TENM4: variants seen among roughly 807,000 people sequenced by gnomAD.
TENM4 encodes teneurin-4.
TENM4 carries 82 observed loss-of-function variants against 243.3 expected under a neutral mutation model. The observed-to-expected ratio is 0.34, with a 90% CI of 0.28 to 0.40. The LOEUF is 0.40. TENM4 is among the 10% of genes least tolerant of loss of function. The pLI is 1.00. For missense variants in TENM4, 3,138 were observed against 3,673.3 expected, an observed-to-expected ratio of 0.85 and a Z score of 3.77; for synonymous variants, 1,412 against 1,456.3, an observed-to-expected ratio of 0.97 and a Z score of 0.69.
chr11:78,903,214 C>T (rs746258743), intron 7 of TENM4, 54 bp downstream of exon 7: 451 of 1,463,500 alleles, frequency 3.1e-4, no homozygotes, highest in Non-Finnish European at 3.5e-4. Flanking sequence ...AGACCTTGGT[C>T]CGGGCCCCGG....
intron 2 of TENM4, among the ~76,000 whole-genome samples, chr11:79,254,367 C>T (rs564892120): frequency 1.6e-4 from 24 of 152,314 alleles, no homozygotes; most frequent in Non-Finnish European, 2.4e-4. Flanking sequence ...TGAAACACCT[C>T]CTAGGTACGT....
rs558820587 is a variant in TENM4, at chr11:78,899,719, A to T, written c.749+3549T>A. On this transcript the variant is annotated intron_variant, in intron 7 of 33. Transcript: ENST00000278550. ...GTTCTCACTTTTATTAGTTCCTTCC[A>T]GAGCTGGTTGTTAAAAAGAGCCTGG... Among the ~76,000 whole-genome samples, 3 of 152,176 alleles carry T rather than the reference A, an allele frequency of 2.0e-5. No homozygotes were observed. The South Asian group carries it at 6.2e-4, about 32-fold the overall frequency.
chr11:78,952,783 T>C (rs559200208), intron 6 of TENM4, among the ~76,000 whole-genome samples: 2 of 152,276 alleles, frequency 1.3e-5, no homozygotes, highest in South Asian at 4.1e-4. Context: ...TTCTCCTTTA[T>C]CCTAGCAAAC....
chr11:79,030,099 G>GCAAT (rs1441795863), intron 6 of TENM4, among the ~76,000 whole-genome samples: 2 of 152,144 alleles, frequency 1.3e-5, no homozygotes, highest in Non-Finnish European at 2.9e-5. Flanking sequence ...TTTTCATTCG[G>GCAAT]CAATCAGGCA....
chr11:79,398,613 C>A (rs1858394451), intron 1 of TENM4, among the ~76,000 whole-genome samples: 1 of 151,844 alleles, frequency 6.6e-6, no homozygotes, highest in African/African-American at 2.4e-5. Context: ...CTGGGTTAGG[C>A]TACTAAATAG....
At chr11:79,348,070 C>T (rs1010846825) in intron 1 of TENM4, among the ~76,000 whole-genome samples, 2 of 152,198 alleles carry the variant, frequency 1.3e-5, no homozygotes, top group African/African-American at 2.4e-5. Flanking sequence ...TGAGCCACCG[C>T]GCCCGGCCCC....
intron 5 of TENM4, 131 bp from the exon 6 acceptor site, chr11:79,065,138 A>G (rs1336896735): frequency 1.5e-5 from 21 of 1,361,792 alleles, no homozygotes; most frequent in East Asian, 2.7e-5. Context: ...TTCTATGCCC[A>G]TGCCTTTGTT....
At chr11:79,246,610 AT>A (rs1434774625) in intron 2 of TENM4, among the ~76,000 whole-genome samples, 1 of 152,208 alleles carries the variant, frequency 6.6e-6, no homozygotes, top group Non-Finnish European at 1.5e-5. Context: ...ACTATCCACA[AT>A]TTGGATGACT....
intron 11 of TENM4, among the ~76,000 whole-genome samples, chr11:78,854,693 C>T (rs760096199): frequency 1.3e-4 from 19 of 151,926 alleles, no homozygotes; most frequent in Middle Eastern, 3.4e-3. Context: ...GAACTTCATG[C>T]AAGTCCTGAC....
chr11:79,079,987 CA>C (rs1400640550), intron 4 of TENM4, among the ~76,000 whole-genome samples: 2 of 21,168 alleles, frequency 9.4e-5, no homozygotes, highest in Non-Finnish European at 1.7e-4. Flanking sequence ...TTTACTACCT[CA>C]GGGGGCTGAA....
At chr11:79,129,939 T>C (rs374503860) in intron 4 of TENM4, among the ~76,000 whole-genome samples, 1 of 151,974 alleles carries the variant, frequency 6.6e-6, no homozygotes, top group Non-Finnish European at 1.5e-5. Flanking sequence ...ACCACCAAAA[T>C]ACAGCATTAA....
At chr11:79,332,484 T>C (rs1254150887) in intron 1 of TENM4, among the ~76,000 whole-genome samples, 1 of 151,994 alleles carries the variant, frequency 6.6e-6, no homozygotes, top group African/African-American at 2.4e-5. Context: ...ATGAAATCTC[T>C]TTTAAAAAAA....
intron 1 of TENM4, among the ~76,000 whole-genome samples, chr11:79,353,370 T>G (rs1232386069): frequency 2.6e-5 from 4 of 152,292 alleles, no homozygotes; most frequent in Admixed American, 2.6e-4. Flanking sequence ...AGGGAGAGAC[T>G]ACATCCTGAT....
chr11:79,127,227 A>G (rs1359201341), intron 4 of TENM4, among the ~76,000 whole-genome samples: 2 of 152,252 alleles, frequency 1.3e-5, no homozygotes, highest in Non-Finnish European at 2.9e-5. Context: ...CTAGAAAAAC[A>G]GTAAATCCAA....
chr11:79,425,186 C>T lies in TENM4; in HGVS notation c.-321+15323G>A, dbSNP rs748833040. On this transcript the variant is annotated intron_variant, in intron 1 of 33. Coordinates refer to ENST00000278550, the MANE Select transcript of TENM4 (RefSeq NM_001098816.3). ...TTGGATTAATCAGTATACTTAACAA[C>T]GGTGCTAAGGATCAAGGTGAGGAGT... Among the ~76,000 whole-genome samples the T allele has an allele frequency of 1.5e-4, 23 of 152,116 alleles. 1 individual carries two copies. Among genetic ancestry groups the T allele is most frequent in the Admixed American group, 3.3e-4 (5 of 15,268 alleles).
rs548332721 is a variant in TENM4 at position 79,054,943 on chromosome 11, C to A, written c.493+9795G>T. On this transcript the variant is annotated intron_variant, in intron 6 of 33. Coordinates refer to ENST00000278550, the MANE Select transcript of TENM4 (RefSeq NM_001098816.3). ...GTCAGGAGTTCAAGACCAGCCTGGC[C>A]AATCTGGTGAAAGCTCATCTCTACT... 2.0e-5 allele frequency among the ~76,000 whole-genome samples: 3 copies of A among 152,026 alleles called. No individual in the cohort carries two copies. The East Asian group carries it at 5.8e-4, about 30-fold the overall frequency.
intron 15 of TENM4, among the ~76,000 whole-genome samples, chr11:78,802,820 C>G (rs1757582108): frequency 1.3e-5 from 2 of 152,168 alleles, no homozygotes; most frequent in African/African-American, 4.8e-5. Context: ...TTTTATATTC[C>G]TGGCCTTGTG....
chr11:78,719,514 C>T (rs1032472725), intron 25 of TENM4, among the ~76,000 whole-genome samples: 1 of 152,072 alleles, frequency 6.6e-6, no homozygotes, highest in African/African-American at 2.4e-5. Context: ...CTCTTTCCAC[C>T]ACCCCTAAGA....
chr11:79,012,970 T>A (rs1456331701), intron 6 of TENM4, among the ~76,000 whole-genome samples: 1 of 152,038 alleles, frequency 6.6e-6, no homozygotes, highest in Non-Finnish European at 1.5e-5. Context: ...AAGAGAGGAG[T>A]CCAGGTTTTT....
Sources: allele counts gnomAD v4.1 joint callset (sites outside exome capture counted in the v4.1 genomes callset), GRCh38; gene constraint gnomAD v4.1.1; transcripts MANE v1.5; gene names NCBI Gene and HGNC (gene_info 2026-07-23, HGNC 2026-07-21).